LRIF1: variants seen among roughly 807,000 people sequenced by gnomAD.
LRIF1 encodes ligand dependent nuclear receptor interacting factor 1.
Under a neutral mutation model 52.7 loss-of-function variants are expected in LRIF1, and 32 were observed. The ratio of observed to expected loss-of-function variants is 0.61; its 90% CI spans 0.46 to 0.82. LRIF1 has a LOEUF of 0.82. Among genes scored for constraint, LRIF1 ranks in the 40% least tolerant of loss-of-function variants. The pLI, the probability that LRIF1 is intolerant of heterozygous loss-of-function variation, is 0.00. For synonymous variants in LRIF1, 323 were observed against 317.4 expected (o/e 1.02, Z -0.19); for missense variants, 887 against 892.0 (o/e 0.99, Z 0.07).
chr1:110,885,920 T>C, the LRIF1 span, among the ~76,000 whole-genome samples: 1 of 152,080 alleles, frequency 6.6e-6, no homozygotes, highest in Non-Finnish European at 1.5e-5. Flanking sequence ...AAAAAAGTAT[T>C]GCGCATTTAT....
chr1:110,950,793 T>C (rs1658436789), intron 2 of LRIF1, among the ~76,000 whole-genome samples: 1 of 152,022 alleles, frequency 6.6e-6, no homozygotes, highest in East Asian at 1.9e-4. Context: ...TGAAAGGTAT[T>C]GATTAGCCCT....
chr1:110,929,749 C>T, the LRIF1 span, among the ~76,000 whole-genome samples: 2 of 152,002 alleles, frequency 1.3e-5, no homozygotes, highest in Non-Finnish European at 2.9e-5. Flanking sequence ...CCTCAGCAAA[C>T]TAACGCAGGA....
the LRIF1 span, chr1:110,895,018 A>G: frequency 3.7e-6 from 6 of 1,614,048 alleles, no homozygotes; most frequent in Non-Finnish European, 5.1e-6. Flanking sequence ...CACTCAGACA[A>G]TAGCACCAAG....
chr1:110,899,306 C>T, the LRIF1 span: 1 of 742,798 alleles, frequency 1.3e-6, no homozygotes, highest in Non-Finnish European at 2.3e-6. Flanking sequence ...CCCATCCTTT[C>T]CCTTTTTAGG....
chr1:110,906,323 T>C, the LRIF1 span, among the ~76,000 whole-genome samples: 1 of 152,042 alleles, frequency 6.6e-6, no homozygotes. Flanking sequence ...AAGCAGAGGA[T>C]TGCTTGAGGC....
intron 3 of LRIF1, 136 bp from the exon 4 acceptor site, chr1:110,948,535 C>A: frequency 2.3e-6 from 3 of 1,303,110 alleles, no homozygotes; most frequent in Non-Finnish European, 3.1e-6. Flanking sequence ...AAGACAACTA[C>A]AGCAAGAGGG....
Position 110,952,510 on chromosome 1 carries a change from G to C in LRIF1, c.374C>G (p.Thr125Ser). The C allele has an allele frequency of 6.2e-7, 1 of 1,613,564 alleles. No homozygotes were observed. Among genetic ancestry groups the C allele is most frequent in the Non-Finnish European group, 8.5e-7 (1 of 1,179,528 alleles). ...AGAAACTGATGAAGAAAAATTTCCA[G>C]TTCCCACAGAAGTAACTCTACCTTT... ...SEKGRVTSVG[T>S]GNFSSSVSKV... The change falls in exon 2 of 4, where the codon ACT becomes AGT. Residue 125 changes from threonine to serine, a missense_variant. Physicochemically the swap from Thr to Ser is moderately conservative, Grantham distance 58. Transcript: ENST00000369763.
At chr1:110,896,878 G>T in the LRIF1 span, 1 of 656,390 alleles carries the variant, frequency 1.5e-6, no homozygotes, top group African/African-American at 1.8e-5. Flanking sequence ...ACAACCTTGG[G>T]TAATTAGAAA....
chr1:110,945,738 C>T (rs1396727709), downstream of LRIF1, among the ~76,000 whole-genome samples: 1 of 152,126 alleles, frequency 6.6e-6, no homozygotes, highest in East Asian at 1.9e-4. Context: ...ATATTTTCTA[C>T]AATACATTTG....
At chr1:110,917,877 C>G in the LRIF1 span, among the ~76,000 whole-genome samples, 3 of 151,834 alleles carry the variant, frequency 2.0e-5, no homozygotes, top group South Asian at 6.2e-4. Flanking sequence ...TAAACAAAAT[C>G]CTAACAGAAT....
At chr1:110,919,629 T>A in the LRIF1 span, among the ~76,000 whole-genome samples, 111 of 152,190 alleles carry the variant, frequency 7.3e-4, 1 homozygote, top group Non-Finnish European at 2.5e-4. Flanking sequence ...AGTGGTAAAT[T>A]GGCTAAACTT....
At chr1:110,937,393 A>G in the LRIF1 span, 1 of 152,116 alleles carries the variant, frequency 6.6e-6, no homozygotes, top group African/African-American at 2.4e-5. Flanking sequence ...TCTGATCACA[A>G]TGGAATAAAA....
the LRIF1 span, among the ~76,000 whole-genome samples, chr1:110,880,860 T>G: frequency 6.6e-6 from 1 of 152,074 alleles, no homozygotes; most frequent in East Asian, 1.9e-4. Flanking sequence ...TTAGGGCAAG[T>G]GAGGGTTGGG....
the LRIF1 span, among the ~76,000 whole-genome samples, chr1:110,901,200 A>G: frequency 6.0e-5 from 9 of 151,002 alleles, no homozygotes; most frequent in Non-Finnish European, 1.3e-4. Context: ...TTTCTGAGAC[A>G]GTTTTTTGCT....
chr1:110,932,713 A>G, the LRIF1 span, among the ~76,000 whole-genome samples: 1 of 152,146 alleles, frequency 6.6e-6, no homozygotes, highest in African/African-American at 2.4e-5. Flanking sequence ...TTTATATTTA[A>G]TAAGTATCTT....
At chr1:110,889,027 T>C in the LRIF1 span, among the ~76,000 whole-genome samples, 1,998 of 152,358 alleles carry the variant, frequency 0.013, 49 homozygotes, top group African/African-American at 0.046. Flanking sequence ...TATTGATTGA[T>C]GTAGCTTGTG....
the LRIF1 span, chr1:110,891,489 G>T: frequency 6.2e-7 from 1 of 1,602,452 alleles, no homozygotes; most frequent in South Asian, 1.1e-5. Context: ...TATCTCTTCT[G>T]AGCACGGTTT....
At chr1:110,906,021 T>C in the LRIF1 span, among the ~76,000 whole-genome samples, 3 of 151,864 alleles carry the variant, frequency 2.0e-5, no homozygotes, top group Non-Finnish European at 2.9e-5. Context: ...CAAAAACATA[T>C]GATGGATGCA....
the LRIF1 span, among the ~76,000 whole-genome samples, chr1:110,927,205 G>A: frequency 6.6e-6 from 1 of 152,240 alleles, no homozygotes; most frequent in Non-Finnish European, 1.5e-5. Context: ...ATAGTGTATA[G>A]TTACGTTTCA....
Sources: allele counts gnomAD v4.1 joint callset (sites outside exome capture counted in the v4.1 genomes callset), GRCh38; gene constraint gnomAD v4.1.1; transcripts MANE v1.5; gene names NCBI Gene and HGNC (gene_info 2026-07-23, HGNC 2026-07-21).